Variants in SLC7A14 observed in about 807,000 individuals in gnomAD.
SLC7A14 encodes the protein solute carrier family 7 member 14.
A neutral mutation model predicts 60.2 loss-of-function variants in SLC7A14; 37 were observed. The ratio of observed to expected loss-of-function variants is 0.61; its 90% CI spans 0.47 to 0.81. The LOEUF (loss-of-function observed/expected upper bound fraction) is 0.81, where lower values mean the gene tolerates loss of function less well. Among genes scored for constraint, SLC7A14 ranks in the 30% least tolerant of loss-of-function variants. SLC7A14 has a pLI of 0.00. For missense variants in SLC7A14, 886 were observed against 982.7 expected, an observed-to-expected ratio of 0.90 and a Z score of 1.32; for synonymous variants, 399 against 395.8, an observed-to-expected ratio of 1.01 and a Z score of -0.10.
rs1177216517 is a variant in SLC7A14 at position 170,486,191 on chromosome 3, G to A, written c.906+31C>T. The A allele has an allele frequency of 1.9e-6, 3 of 1,612,206 alleles. No homozygotes were observed. In the South Asian group the frequency reaches 3.3e-5, roughly 18 times the overall value. ...GAGCTCAGTGCCAGGGCCACATCGT[G>A]AGGAGGGTCCCGCAAGCATCTGGTA... On this transcript the variant is annotated intron_variant, in intron 5 of 7. Transcript: ENST00000231706.
chr3:170,537,453 T>A (rs1353890403), intron 1 of SLC7A14, among the ~76,000 whole-genome samples: 1 of 152,248 alleles, frequency 6.6e-6, no homozygotes, highest in Non-Finnish European at 1.5e-5. Flanking sequence ...TCACAAATTC[T>A]GAAGATTAGA....
At chr3:170,573,065 G>C (rs115385463) in intron 1 of SLC7A14, among the ~76,000 whole-genome samples, 129 of 152,290 alleles carry the variant, frequency 8.5e-4, no homozygotes, top group African/African-American at 3.1e-3. Flanking sequence ...TCTGTAGTGA[G>C]AGTGACTAAC....
Position 170,532,985 on chromosome 3 carries a change from T to C in SLC7A14, c.-152-5897A>G, listed in dbSNP as rs901135181. ...TATGCCTCCTCTCATTCTTCTATAC[T>C]TTTGACTTTTTTCCCCAAGATGCAC... On this transcript the variant is annotated intron_variant, in intron 1 of 7. Transcript: ENST00000231706. This position sits in a 1 kb window ranked among gnomAD's most constrained non-coding sequence, Gnocchi z 4.0. Among the ~76,000 whole-genome samples the C allele has an allele frequency of 3.3e-5, 5 of 152,210 alleles. No individual in the cohort carries two copies. Among genetic ancestry groups the C allele is most frequent in the African/African-American group, 4.8e-5 (2 of 41,454 alleles).
Position 170,460,163 on chromosome 3 carries a change from A to G in SLC7A14, c.*6892T>C, listed in dbSNP as rs750746813. On this transcript the variant is annotated 3_prime_UTR_variant, in exon 8 of 8. Transcript: ENST00000231706. ...ATACCAAAAAAAGATAGCAGAGAACAACACTAGGAATTACCATCTGTAAAT... is the reference window on the plus strand; with the variant it reads ...ATACCAAAAAAAGATAGCAGAGAACGACACTAGGAATTACCATCTGTAAAT... The G allele has an allele frequency of 2.0e-5, 3 of 152,246 alleles. No individual in the cohort carries two copies. The highest frequency in any genetic ancestry group is 4.4e-5 in the Non-Finnish European group (3 of 68,034). The allele number at this position is 152,246 out of a possible 1,614,324, so 9.4% of individuals were successfully genotyped here.
chr3:170,515,312 G>C (rs900837465), intron 2 of SLC7A14, among the ~76,000 whole-genome samples: 1 of 113,348 alleles, frequency 8.8e-6, no homozygotes, highest in African/African-American at 3.0e-5. Flanking sequence ...GACTCTGTCC[G>C]CCCCCCCCAA....
At chr3:170,529,586 G>A (rs62293556) in intron 1 of SLC7A14, among the ~76,000 whole-genome samples, 3,522 of 152,212 alleles carry the variant, frequency 0.023, 62 homozygotes, top group Middle Eastern at 0.037. Context: ...GAGGGAGGAG[G>A]CAATACACAG....
At chr3:170,524,450 T>G (rs1713433063) in intron 2 of SLC7A14, among the ~76,000 whole-genome samples, 1 of 152,176 alleles carries the variant, frequency 6.6e-6, no homozygotes. Context: ...ATGTATCCTG[T>G]GAAGAATAAG....
Position 170,550,512 on chromosome 3 carries a change from A to ATTTTTTTTTTTTTTTTTTTTTTTTT in SLC7A14, c.-152-23449_-152-23425dup, listed in dbSNP as rs369436642. ...TAAACCTAATGCCATCTTTCCTTGA[A>ATTTTTTTTTTTTTTTTTTTTTTTTT]TTTTTTTTTTTTTTTTTTTTTTTTT... On this transcript the variant is annotated intron_variant, in intron 1 of 7. Coordinates refer to ENST00000231706, the MANE Select transcript of SLC7A14 (RefSeq NM_020949.3). Among the ~76,000 whole-genome samples, 47 of 60,602 alleles carry ATTTTTTTTTTTTTTTTTTTTTTTTT rather than the reference A, an allele frequency of 7.8e-4. 10 individuals are homozygous for ATTTTTTTTTTTTTTTTTTTTTTTTT. The highest frequency in any genetic ancestry group is 3.5e-3 in the African/African-American group (40 of 11,462). The allele number at this position is 60,602 out of a possible 152,430, so 39.8% of individuals were successfully genotyped here. A position where few individuals can be genotyped will look rare whatever the true frequency, so the allele number is the denominator to read the frequency against.
intron 1 of SLC7A14, among the ~76,000 whole-genome samples, chr3:170,573,877 GT>G: frequency 6.6e-6 from 1 of 152,248 alleles, no homozygotes; most frequent in African/African-American, 2.4e-5. Flanking sequence ...CACTCATTTG[GT>G]TTTCTCATGG....
intron 1 of SLC7A14, among the ~76,000 whole-genome samples, chr3:170,568,248 C>G (rs1714848681): frequency 6.6e-6 from 1 of 152,160 alleles, no homozygotes; most frequent in African/African-American, 2.4e-5. Context: ...TTTCCCAGTA[C>G]CATTTATTAA....
At chr3:170,499,760 A>G (rs960061815) in intron 3 of SLC7A14, among the ~76,000 whole-genome samples, 3 of 152,120 alleles carry the variant, frequency 2.0e-5, no homozygotes, top group Non-Finnish European at 2.9e-5. Flanking sequence ...CCTGCCCTCT[A>G]TAGAGTGGAA....
At chr3:170,472,660 C>T (rs550085702) in intron 7 of SLC7A14, among the ~76,000 whole-genome samples, 9 of 147,774 alleles carry the variant, frequency 6.1e-5, no homozygotes, top group South Asian at 4.4e-4. Context: ...CCAGCTACTC[C>T]GGAGGCTGAG....
chr3:170,506,462 A>T (rs1465509000), intron 2 of SLC7A14, among the ~76,000 whole-genome samples: 1 of 152,154 alleles, frequency 6.6e-6, no homozygotes, highest in African/African-American at 2.4e-5. Context: ...GTACCGGGAG[A>T]TTCTCGATTT....
chr3:170,494,491 A>G (rs1712320287), intron 4 of SLC7A14, among the ~76,000 whole-genome samples: 1 of 152,230 alleles, frequency 6.6e-6, no homozygotes, highest in East Asian at 1.9e-4. Context: ...GGAGACCCCC[A>G]AAGAGAATAA....
At chr3:170,503,301 T>C (rs1375653518) in intron 2 of SLC7A14, among the ~76,000 whole-genome samples, 1 of 152,222 alleles carries the variant, frequency 6.6e-6, no homozygotes, top group Non-Finnish European at 1.5e-5. Flanking sequence ...CAACACCTGA[T>C]ATTTAAATTG....
At chr3:170,507,425 C>T (rs750323175) in intron 2 of SLC7A14, among the ~76,000 whole-genome samples, 9 of 152,082 alleles carry the variant, frequency 5.9e-5, no homozygotes, top group Non-Finnish European at 1.0e-4. Flanking sequence ...GTGCGGTGAG[C>T]GTGGTTCTTA....
At chr3:170,549,024 G>T (rs1289970135) in intron 1 of SLC7A14, among the ~76,000 whole-genome samples, 2 of 152,050 alleles carry the variant, frequency 1.3e-5, no homozygotes, top group African/African-American at 2.4e-5. Flanking sequence ...TTGGGACATA[G>T]AAATAAATAA....
intron 1 of SLC7A14, among the ~76,000 whole-genome samples, chr3:170,543,731 TTTTCTTTCTTTC>T (rs761250853): frequency 2.0e-5 from 3 of 150,014 alleles, no homozygotes; most frequent in Non-Finnish European, 3.0e-5. Context: ...CTAAACTGCA[TTTTCTTTCTTTC>T]TTTCTTTCTT....
chr3:170,529,841 C>T (rs1000400921), intron 1 of SLC7A14, among the ~76,000 whole-genome samples: 2 of 152,148 alleles, frequency 1.3e-5, no homozygotes, highest in Non-Finnish European at 2.9e-5. Context: ...AAGTCACACA[C>T]ACAGGGAGAA....
Sources: allele counts gnomAD v4.1 joint callset (sites outside exome capture counted in the v4.1 genomes callset), GRCh38; gene constraint gnomAD v4.1.1; non-coding constraint Gnocchi (gnomAD v3.1); transcripts MANE v1.5; gene names NCBI Gene and HGNC (gene_info 2026-07-23, HGNC 2026-07-21).